The following CHD7 variants were observed in gnomAD, a reference collection of about 807,000 sequenced individuals.
CHD7 encodes the protein chromodomain helicase DNA binding protein 7, also known as ATP-dependent chromatin remodeler CHD7.
CHD7 carries 24 observed loss-of-function variants against 307.3 expected under a neutral mutation model. The observed-to-expected ratio is 0.08, with a 90% CI of 0.06 to 0.11. CHD7 has a LOEUF of 0.11. CHD7 is among the 10% of genes least tolerant of loss of function. The probability of loss-of-function intolerance (pLI) is 1.00; values close to 1 mark genes in which losing one functional copy is unlikely to be tolerated. For missense variants in CHD7, 3,106 were observed against 3,727.1 expected (o/e 0.83, Z 4.34); for synonymous variants, 1,363 against 1,349.9 (o/e 1.01, Z -0.21).
chr8:60,737,023 A>G (rs1001189296), intron 1 of CHD7, among the ~76,000 whole-genome samples: 9 of 152,088 alleles, frequency 5.9e-5, no homozygotes, highest in Non-Finnish European at 1.3e-4. Flanking sequence ...AACATGTGTT[A>G]TAATTAAGAA....
chr8:60,785,650 A>G (rs1170157544), intron 3 of CHD7, among the ~76,000 whole-genome samples: 1 of 152,234 alleles, frequency 6.6e-6, no homozygotes, highest in African/African-American at 2.4e-5. Context: ...TTATAAACTA[A>G]TACATATTTT....
chr8:60,859,812 C>T (rs550251219), intron 34 of CHD7, among the ~76,000 whole-genome samples: 22 of 152,116 alleles, frequency 1.4e-4, no homozygotes, highest in African/African-American at 4.8e-4. Flanking sequence ...TGATGCCATT[C>T]GGAAGAACTT....
chr8:60,679,117 G>GGGCGGC (rs757833708), intron 1 of CHD7, 35 bp downstream of exon 1: 35 of 155,732 alleles, frequency 2.2e-4, no homozygotes, highest in Middle Eastern at 3.4e-3. Context: ...CCCCCGGGAG[G>GGGCGGC]GGCGGCGGCG....
chr8:60,699,956 G>T (rs750652500), intron 1 of CHD7, among the ~76,000 whole-genome samples: 6 of 151,488 alleles, frequency 4.0e-5, no homozygotes, highest in East Asian at 3.9e-4. Context: ...TCAGCCTCCC[G>T]AGTAGCTGGG....
At chr8:60,852,329 CAT>C in intron 29 of CHD7, 82 bp downstream of exon 29, 1 of 1,374,322 alleles carries the variant, frequency 7.3e-7, no homozygotes. Flanking sequence ...AGACAGGACT[CAT>C]ATCAAAGGTA....
chr8:60,818,306 T>C (rs571977752), intron 8 of CHD7, among the ~76,000 whole-genome samples: 132 of 152,338 alleles, frequency 8.7e-4, no homozygotes, highest in Non-Finnish European at 1.6e-3. Flanking sequence ...TCATTTAGAC[T>C]GGAAATTTCG....
Position 60,853,388 on chromosome 8 carries a change from T to G in CHD7, c.6663T>G (p.Val2221=). The G allele has an allele frequency of 6.5e-7, 1 of 1,542,754 alleles. No individual in the cohort carries two copies. The highest frequency in any genetic ancestry group is 8.7e-7 in the Non-Finnish European group (1 of 1,148,564). The change falls in exon 31 of 38, where the codon GTT becomes GTG. Residue 2221 remains valine, a synonymous_variant. Transcript: ENST00000423902. ...ASSVKNELKG[V]EVGADTGSKS... is the part of the protein sequence containing the mutation. ...CTGTGAAAAATGAACTGAAAGGTGT[T>G]GAGGTCGGCGCAGACACTGGGTCCA...
chr8:60,775,331 A>G (rs1209658924), intron 2 of CHD7, among the ~76,000 whole-genome samples: 1 of 44,836 alleles, frequency 2.2e-5, no homozygotes, highest in Non-Finnish European at 1.2e-4. Flanking sequence ...CAAAAATTAT[A>G]CAAGTCATTC....
intron 2 of CHD7, among the ~76,000 whole-genome samples, chr8:60,743,503 A>T (rs568783095): frequency 2.0e-5 from 3 of 152,244 alleles, no homozygotes; most frequent in African/African-American, 7.2e-5. Flanking sequence ...CGTGTGTGGT[A>T]GTCTCCTCCA....
intron 19 of CHD7, among the ~76,000 whole-genome samples, chr8:60,839,137 C>A (rs1804862515): frequency 1.3e-5 from 2 of 152,304 alleles, no homozygotes; most frequent in Admixed American, 6.5e-5. Context: ...CTTTCTTTTT[C>A]TACAGATTTG....
intron 23 of CHD7, 69 bp downstream of exon 23, chr8:60,845,478 G>A (rs148107589): frequency 3.5e-5 from 53 of 1,506,144 alleles, no homozygotes; most frequent in African/African-American, 1.7e-4. Context: ...ACATGCAGCC[G>A]GCCCTTCACG....
intron 12 of CHD7, among the ~76,000 whole-genome samples, chr8:60,823,394 T>TATATATAG (rs984429188): frequency 1.4e-4 from 21 of 145,550 alleles, no homozygotes; most frequent in Middle Eastern, 3.4e-3. Context: ...TTTTGCTATA[T>TATATATAG]ATAGATAGAT....
chr8:60,719,397 A>G (rs753407723), intron 1 of CHD7, among the ~76,000 whole-genome samples: 2 of 152,286 alleles, frequency 1.3e-5, no homozygotes, highest in Non-Finnish European at 1.5e-5. Context: ...GATTGATTTT[A>G]TGTCTTTAAA....
In CHD7 at chr8:60,867,422, C is replaced by T. The variant is rs867318605; in HGVS notation, c.*1489C>T. ...GAATTGAAACAGACCCACTTAAGCA[C>T]GCACGCGCGCACGCACGGTCTCAGG... On this transcript the variant is annotated 3_prime_UTR_variant, in exon 38 of 38. Transcript: ENST00000423902. 13 of 152,222 alleles carry T rather than the reference C, an allele frequency of 8.5e-5. No individual in the cohort carries two copies. Among genetic ancestry groups the T allele is most frequent in the East Asian group, 1.9e-4 (1 of 5,202 alleles). 9.4% of individuals were successfully genotyped at this position (152,222 alleles called of 1,614,324 possible). A position where few individuals can be genotyped will look rare whatever the true frequency, so the allele number is the denominator to read the frequency against.
chr8:60,843,033 A>G (rs1292286055), intron 21 of CHD7, among the ~76,000 whole-genome samples: 1 of 152,296 alleles, frequency 6.6e-6, no homozygotes, highest in Admixed American at 6.5e-5. Context: ...CGACGCAGGC[A>G]TCAGCTTGTG....
chr8:60,762,828 CAGA>C (rs1297186251), intron 2 of CHD7, among the ~76,000 whole-genome samples: 34 of 152,070 alleles, frequency 2.2e-4, no homozygotes, highest in Non-Finnish European at 1.6e-4. Flanking sequence ...TATGCTAGGA[CAGA>C]GGAGTGGGAG....
Position 60,824,254 on chromosome 8 carries a change from A to G in CHD7, c.3378+238A>G, listed in dbSNP as rs76480955. ...AGAGTGTAATCATGATAGTTTCACT[A>G]AAGTGAGTTTCAAGTATTTGTTTTA... On this transcript the variant is annotated intron_variant, in intron 13 of 37. Transcript: ENST00000423902. 2,297 of 446,392 alleles carry G rather than the reference A, an allele frequency of 5.1e-3. 8 individuals carry two copies. The highest frequency in any genetic ancestry group is 8.9e-3 in the Middle Eastern group (16 of 1,800). 27.7% of individuals were successfully genotyped at this position (446,392 alleles called of 1,614,324 possible).
chr8:60,850,437 G>A lies in CHD7; in HGVS notation c.5405-56G>A, dbSNP rs1805401433. 3 of 1,564,356 alleles carry A rather than the reference G, an allele frequency of 1.9e-6. No individual in the cohort carries two copies. The Admixed American group carries it at 5.3e-5, about 28-fold the overall frequency. On this transcript the variant is annotated intron_variant, in intron 25 of 37. Coordinates refer to ENST00000423902, the MANE Select transcript of CHD7 (RefSeq NM_017780.4). ...GTGGCAGTGCTGTGATTTTGCCAGT[G>A]ATGGGGCCTTTCTTTGTTTCTGTGT...
rs753347128 is a variant in CHD7 at position 60,850,621 on chromosome 8, G to A, written c.5533G>A (p.Gly1845Arg). The change falls in exon 26 of 38, where the codon GGG becomes AGG. Residue 1845 changes from glycine to arginine, a missense_variant and splice_region_variant. By Grantham distance (125) the Gly-to-Arg change is moderately radical. This residue lies in a region of CHD7 where 1,030 missense variants were observed against 1,165.4 expected (regional missense o/e 0.88). Transcript: ENST00000423902. ...AGACATGCTAGCAGATGGTGGTGAC[G>A]GGTAAGAAGGACATTTTAAAATTTG... ...GTDMLADGGD[G>R]GEFDREDEDP... 2.5e-5 allele frequency: 41 copies of A among 1,609,340 alleles called. No homozygotes were observed. The highest frequency in any genetic ancestry group is 5.1e-5 in the Admixed American group (3 of 59,276).
Sources: allele counts gnomAD v4.1 joint callset (sites outside exome capture counted in the v4.1 genomes callset), GRCh38; gene constraint gnomAD v4.1.1; regional missense constraint gnomAD v4.1.1; transcripts MANE v1.5; gene names NCBI Gene and HGNC (gene_info 2026-07-23, HGNC 2026-07-21).